The following FNDC3A variants were observed in gnomAD, a reference collection of about 807,000 sequenced individuals.
The protein encoded by FNDC3A is fibronectin type III domain containing 3A.
Under a neutral mutation model 148.9 loss-of-function variants are expected in FNDC3A, and 32 were observed. The ratio of observed to expected loss-of-function variants is 0.21; its 90% confidence interval spans 0.16 to 0.29. FNDC3A has a LOEUF of 0.29. Ranked by LOEUF, FNDC3A falls within the 10% of genes least tolerant of loss-of-function variation. The pLI, the probability that FNDC3A is intolerant of heterozygous loss-of-function variation, is 1.00. For missense variants in FNDC3A, 1,191 were observed against 1,452.8 expected, an observed-to-expected ratio of 0.82 and a Z score of 2.93; for synonymous variants, 472 against 473.6, an observed-to-expected ratio of 1.00 and a Z score of 0.04.
chr13:48,977,458 T>C (rs555402931), intron 1 of FNDC3A, among the ~76,000 whole-genome samples: 19 of 152,366 alleles, frequency 1.2e-4, no homozygotes, highest in African/African-American at 4.3e-4. Flanking sequence ...TCTGATCTTA[T>C]GTTTGGATAA....
intron 7 of FNDC3A, among the ~76,000 whole-genome samples, chr13:49,143,120 G>A (rs1455921977): frequency 6.6e-6 from 1 of 152,038 alleles, no homozygotes; most frequent in Non-Finnish European, 1.5e-5. Context: ...TGCCCACCTC[G>A]GCCTCCCAAA....
intron 2 of FNDC3A, among the ~76,000 whole-genome samples, chr13:49,055,885 CTT>C (rs1187592654): frequency 6.6e-6 from 1 of 152,086 alleles, no homozygotes; most frequent in African/African-American, 2.4e-5. Flanking sequence ...CAGAATATAT[CTT>C]TTCAAATATT....
rs137878215 is a variant in FNDC3A at position 49,049,807 on chromosome 13, C to T, written c.100-25482C>T. On this transcript the variant is annotated intron_variant, in intron 2 of 25. Coordinates refer to ENST00000492622, the MANE Select transcript of FNDC3A (RefSeq NM_001079673.2). ...TGATCTCAGCTCACTGCATCCTCTG[C>T]CTCCCATGTTCAAGCGATTCATCTG... 3.9e-5 allele frequency among the ~76,000 whole-genome samples: 6 copies of T among 152,140 alleles called. No homozygotes were observed. The East Asian group carries it at 1.2e-3, about 29-fold the overall frequency.
intron 3 of FNDC3A, among the ~76,000 whole-genome samples, chr13:49,088,195 G>A (rs1156460414): frequency 2.6e-5 from 4 of 151,972 alleles, no homozygotes; most frequent in African/African-American, 9.7e-5. Context: ...TTTATTCCTG[G>A]CACTATGTAG....
chr13:49,186,156 T>C, intron 15 of FNDC3A, 54 bp downstream of exon 15: 1 of 1,398,024 alleles, frequency 7.2e-7, no homozygotes, highest in Admixed American at 1.9e-5. Flanking sequence ...ATTAAAATAA[T>C]TTGAATATGA....
At chr13:49,138,847 A>G (rs749820265) in intron 7 of FNDC3A, 42 bp downstream of exon 7, 2 of 1,053,542 alleles carry the variant, frequency 1.9e-6, no homozygotes, top group South Asian at 3.2e-5. Flanking sequence ...TATTTAATAT[A>G]TTAGCATAAG....
intron 1 of FNDC3A, among the ~76,000 whole-genome samples, chr13:48,984,938 T>TC (rs1312202893): frequency 1.3e-5 from 2 of 152,140 alleles, no homozygotes; most frequent in African/African-American, 4.8e-5. Flanking sequence ...CGCCTCAGCC[T>TC]CCCAGAGTGC....
At chr13:49,088,701 C>G (rs1878980157) in intron 3 of FNDC3A, among the ~76,000 whole-genome samples, 1 of 152,070 alleles carries the variant, frequency 6.6e-6, no homozygotes, top group Non-Finnish European at 1.5e-5. Flanking sequence ...TCCAACCGCA[C>G]TAGTACTTCC....
intron 3 of FNDC3A, among the ~76,000 whole-genome samples, chr13:49,098,724 A>G (rs1260262720): frequency 6.6e-6 from 1 of 152,154 alleles, no homozygotes; most frequent in Non-Finnish European, 1.5e-5. Context: ...TTGTGCTGCA[A>G]ATCTAATCAT....
chr13:49,171,223 T>G (rs1440280984), intron 10 of FNDC3A, among the ~76,000 whole-genome samples: 4 of 152,230 alleles, frequency 2.6e-5, no homozygotes, highest in Admixed American at 1.3e-4. Context: ...CATGTTCATC[T>G]GTATTAAAAA....
chr13:49,191,909 A>G (rs561303922), intron 19 of FNDC3A, among the ~76,000 whole-genome samples: 1 of 152,362 alleles, frequency 6.6e-6, no homozygotes, highest in Admixed American at 6.5e-5. Flanking sequence ...TAACTCCAAA[A>G]AGTGGACAAA....
chr13:49,056,059 C>T lies in FNDC3A; in HGVS notation c.100-19230C>T, dbSNP rs574852571. ...AAAATTAACTGGGTGTAGTGGCACG[C>T]GCCTGTAGTCCCAGCTACTCAGAGG... is the stretch of plus-strand genomic sequence containing the variant. On this transcript the variant is annotated intron_variant, in intron 2 of 25. Coordinates refer to ENST00000492622, the MANE Select transcript of FNDC3A (RefSeq NM_001079673.2). Among the ~76,000 whole-genome samples, 19 of 151,974 alleles carry T rather than the reference C, an allele frequency of 1.3e-4. 1 individual carries two copies. Among genetic ancestry groups the T allele is most frequent in the Middle Eastern group, 3.4e-3 (1 of 294 alleles).
chr13:49,183,993 ACAAAT>A (rs1885436875), intron 14 of FNDC3A, among the ~76,000 whole-genome samples: 1 of 152,228 alleles, frequency 6.6e-6, no homozygotes, highest in African/African-American at 2.4e-5. Context: ...AAATAAGCAA[ACAAAT>A]AGATTGTGGT....
intron 3 of FNDC3A, among the ~76,000 whole-genome samples, chr13:49,113,411 A>G (rs996501108): frequency 6.6e-6 from 1 of 151,314 alleles, no homozygotes; most frequent in African/African-American, 2.4e-5. Flanking sequence ...TTTCATCACC[A>G]CTGTGTGGTT....
intron 3 of FNDC3A, among the ~76,000 whole-genome samples, chr13:49,113,090 G>C (rs916131389): frequency 1.7e-5 from 2 of 120,732 alleles, no homozygotes; most frequent in Non-Finnish European, 3.2e-5. Flanking sequence ...TCTCCACATC[G>C]TTCCTCCTCC....
chr13:49,205,523 A>G (rs182533837), intron 25 of FNDC3A, among the ~76,000 whole-genome samples: 13 of 152,282 alleles, frequency 8.5e-5, no homozygotes. Flanking sequence ...CACTCAAAGG[A>G]AATGCTCATT....
chr13:49,138,838 A>G (rs756197516), intron 7 of FNDC3A, 33 bp downstream of exon 7: 1 of 1,114,440 alleles, frequency 9.0e-7, no homozygotes, highest in Non-Finnish European at 1.3e-6. Flanking sequence ...TGATGTTTAT[A>G]TTTAATATAT....
In FNDC3A at chr13:49,081,122, T is replaced by G. The variant is rs1344846959; in HGVS notation, c.175+5758T>G. ...CAACAGTTGTAGCTAAAAACCCTCC[T>G]TATGAGAGGCAGGTATGGCTTTTTC... is the stretch of plus-strand genomic sequence containing the variant. On this transcript the variant is annotated intron_variant, in intron 3 of 25. Transcript: ENST00000492622. Among the ~76,000 whole-genome samples the G allele has an allele frequency of 9.2e-5, 14 of 152,176 alleles. 1 individual carries two copies. In the East Asian group the frequency reaches 2.7e-3, roughly 29 times the overall value.
chr13:48,989,725 C>T (rs1212079259), intron 1 of FNDC3A, among the ~76,000 whole-genome samples: 1 of 151,450 alleles, frequency 6.6e-6, no homozygotes, highest in East Asian at 1.9e-4. Flanking sequence ...TCTGCTAAAA[C>T]ACATCATAAT....
Sources: allele counts gnomAD v4.1 joint callset (sites outside exome capture counted in the v4.1 genomes callset), GRCh38; gene constraint gnomAD v4.1.1; transcripts MANE v1.5; gene names NCBI Gene and HGNC (gene_info 2026-07-23, HGNC 2026-07-21).